The following TTN variants were observed in gnomAD, a reference collection of about 807,000 sequenced individuals.
The protein encoded by TTN is connectin.
In TTN, 1,525 loss-of-function variants were observed where a neutral mutation model predicts 3,223.0. The observed-to-expected ratio is 0.47, with a 90% confidence interval of 0.45 to 0.49. The LOEUF is 0.49. Ranked by LOEUF, TTN falls within the 20% of genes least tolerant of loss-of-function variation. The pLI is 0.00. For missense variants in TTN, 40,786 were observed against 43,424.0 expected (o/e 0.94, Z 5.40); for synonymous variants, 14,094 against 15,161.0 (o/e 0.93, Z 5.17).
At chr2:178,577,941 C>T (rs780578852) in intron 322 of TTN, 43 bp from the exon 323 acceptor site, 1 of 1,591,416 alleles carries the variant, frequency 6.3e-7, no homozygotes. Context: ...TACCAGTTTT[C>T]TTCATGTAAA....
Position 178,552,900 on chromosome 2 carries a change from C to T in TTN, c.90000G>A (p.Lys30000=). The T allele has an allele frequency of 6.2e-7, 1 of 1,613,810 alleles. No individual in the cohort carries two copies. Among genetic ancestry groups the T allele is most frequent in the Non-Finnish European group, 8.5e-7 (1 of 1,179,820 alleles). The part of the protein sequence containing the change: ...TSFKLIDLSE[K]TPFFFRVLAE... Reference sequence around the variant, plus strand: ...CAAGAACTCTGAAGAAGAATGGAGTCTTCTCCGACAAATCTATTAGCTTGA... The same window carrying T: ...CAAGAACTCTGAAGAAGAATGGAGTTTTCTCCGACAAATCTATTAGCTTGA... The change falls in exon 335 of 363, where the codon AAG becomes AAA. Residue 30000 remains lysine, a synonymous_variant. Coordinates refer to ENST00000589042, the MANE Select transcript of TTN (RefSeq NM_001267550.2).
chr2:178,775,061 C>G lies in TTN; in HGVS notation c.6650G>C (p.Gly2217Ala), dbSNP rs146236689. Residue 2217 changes from glycine to alanine, a missense_variant, in exon 29 of 363, where the codon GGA becomes GCA. By Grantham distance (60) the Gly-to-Ala change is moderately conservative. Transcript: ENST00000589042. The part of the protein sequence containing the change: ...WYKDGMEVHE[G>A]DKYRMHSDRK... ...GTCAGAGTGCATCCTGTATTTATCT[C>G]CCTCATGAACCTCCATACCATCTTT... 3 of 1,614,016 alleles carry G rather than the reference C, an allele frequency of 1.9e-6. No individual in the cohort carries two copies. Among genetic ancestry groups the G allele is most frequent in the South Asian group, 2.2e-5 (2 of 91,076 alleles).
chr2:178,678,746 C>A lies in TTN; in HGVS notation c.33826+1G>T. 6.2e-7 allele frequency: 1 copy of A among 1,600,884 alleles called. No individual in the cohort carries two copies. The highest frequency in any genetic ancestry group is 8.5e-7 in the Non-Finnish European group (1 of 1,175,630). ...TATTGCAACATTGCAAGTTCATGTACCTTTGGCAGGTGGAGCTTCCACCTT... is the reference window on the plus strand; with the variant it reads ...TATTGCAACATTGCAAGTTCATGTAACTTTGGCAGGTGGAGCTTCCACCTT... On this transcript the variant is annotated splice_donor_variant, in intron 143 of 362. Coordinates refer to ENST00000589042, the MANE Select transcript of TTN (RefSeq NM_001267550.2). LOFTEE classifies it high-confidence loss of function.
chr2:178,669,316 A>G, intron 159 of TTN, 57 bp downstream of exon 159: 1 of 1,364,280 alleles, frequency 7.3e-7, no homozygotes, highest in Non-Finnish European at 9.9e-7. Context: ...AGACAAACAT[A>G]GTGAATTTAA....
chr2:178,669,790 T>C, intron 157 of TTN, 115 bp from the exon 158 acceptor site: 6 of 983,298 alleles, frequency 6.1e-6, no homozygotes, highest in Non-Finnish European at 9.4e-6. Flanking sequence ...CAATTATAAG[T>C]CAACTATAAG....
chr2:178,685,197 G>GTAT (rs2070534088), intron 129 of TTN, 56 bp downstream of exon 129: 1 of 1,398,058 alleles, frequency 7.2e-7, no homozygotes, highest in African/African-American at 1.5e-5. Flanking sequence ...AAATGTGAAG[G>GTAT]TATTATTATA....
At position 178,795,027 on chromosome 2, in the gene TTN, G is replaced by A. The variant is rs373726426; in HGVS notation, c.1140C>T (p.Tyr380=). The change falls in exon 7 of 363, where the codon TAC becomes TAT. Residue 380 remains tyrosine (Y), a synonymous_variant. Coordinates refer to ENST00000589042, the MANE Select transcript of TTN (RefSeq NM_001267550.2). Reference sequence around the variant, plus strand: ...TGATGGTCACTTGCTCCTGGACACCGTATCTCCCTTCCCATCTCTCTTCTG... The same window carrying A: ...TGATGGTCACTTGCTCCTGGACACCATATCTCCCTTCCCATCTCTCTTCTG... ...IRTEERWEGR[Y]GVQEQVTISG... is the part of the protein sequence containing the mutation. 9.9e-6 allele frequency: 16 copies of A among 1,612,336 alleles called. No individual in the cohort carries two copies. The highest frequency in any genetic ancestry group is 1.7e-5 in the Admixed American group (1 of 60,024).
chr2:178,667,426 T>A lies in TTN; in HGVS notation c.35713+16A>T, dbSNP rs574271380. The A allele has an allele frequency of 1.6e-5, 26 of 1,593,280 alleles. No individual in the cohort carries two copies. In the Middle Eastern group the frequency reaches 5.0e-4, roughly 31 times the overall value. ...GCTAAAGATACTCATCTGGGTTTGA[T>A]GTATTTGAAATATACCTTTAGTTGC... is the stretch of plus-strand genomic sequence containing the variant. On this transcript the variant is annotated intron_variant, in intron 161 of 362. Coordinates refer to ENST00000589042, the MANE Select transcript of TTN (RefSeq NM_001267550.2).
Position 178,653,337 on chromosome 2 carries a change from T to C in TTN, c.38708-16A>G, listed in dbSNP as rs1460826999. The C allele has an allele frequency of 6.2e-7, 1 of 1,611,454 alleles. No homozygotes were observed. Among genetic ancestry groups the C allele is most frequent in the East Asian group, 2.2e-5 (1 of 44,848 alleles). On this transcript the variant is annotated splice_polypyrimidine_tract_variant and intron_variant, in intron 197 of 362. Transcript: ENST00000589042. Reference sequence around the variant, plus strand: ...GCCTCTGGCACTTAAAAGATATTAGTAAAGTTACATGTAGAGCTATGGAGA... The same window carrying C: ...GCCTCTGGCACTTAAAAGATATTAGCAAAGTTACATGTAGAGCTATGGAGA...
At position 178,633,951 on chromosome 2, in the gene TTN, G is replaced by T; in HGVS notation, c.42548C>A (p.Thr14183Lys). 1 of 1,613,326 alleles carries T rather than the reference G, an allele frequency of 6.2e-7. No homozygotes were observed. The highest frequency in any genetic ancestry group is 8.5e-7 in the Non-Finnish European group (1 of 1,179,542). The change falls in exon 231 of 363, where the codon ACA becomes AAA. Residue 14183 changes from threonine to lysine, a missense_variant. Transcript: ENST00000589042. Reference protein sequence around the residue: ...VWFKNDAKLHTSRTVLISSEG... With the variant: ...VWFKNDAKLHKSRTVLISSEG... ...AGAAGAGATGAGTACTGTTCTGCTT[G>T]TATGGAGTTTGGCATCATTTTTGAA... is the stretch of plus-strand genomic sequence containing the variant.
In TTN at chr2:178,649,586, G is replaced by T. The variant is rs543338451; in HGVS notation, c.39941C>A (p.Thr13314Asn). ...TGCTGGTGTTTCTGGCTTCTTAACA[G>T]TTGGGACCTTCTTCACTGGAACAAC... ...KKVVPVKKVPTVKKPETPAAK... is the reference protein window; with the variant it reads ...KKVVPVKKVPNVKKPETPAAK... Residue 13314 changes from threonine (T) to asparagine (N), a missense_variant, in exon 212 of 363, where the codon ACT becomes AAT. Physicochemically the swap from Thr to Asn is moderately conservative, Grantham distance 65. Coordinates refer to ENST00000589042, the MANE Select transcript of TTN (RefSeq NM_001267550.2). The T allele has an allele frequency of 8.4e-5, 130 of 1,550,024 alleles. No individual in the cohort carries two copies. The East Asian group carries it at 2.9e-3, about 35-fold the overall frequency.
rs549515277 is a variant in TTN, at chr2:178,607,014, C to G, written c.53581+7G>C. On this transcript the variant is annotated splice_region_variant and intron_variant, in intron 278 of 362. Coordinates refer to ENST00000589042, the MANE Select transcript of TTN (RefSeq NM_001267550.2). ...CTCTATAAACACAATGAAACCTTCT[C>G]TTTTACCTAGTGGATCAACTGCAAG... 4.4e-6 allele frequency: 7 copies of G among 1,605,274 alleles called. No individual in the cohort carries two copies. The South Asian group carries it at 6.8e-5, about 15-fold the overall frequency.
chr2:178,760,191 T>C (rs1263974961), intron 43 of TTN, among the ~76,000 whole-genome samples: 1 of 152,160 alleles, frequency 6.6e-6, no homozygotes. Context: ...GTTCTCCTCT[T>C]AGAGTAACAA....
intron 294 of TTN, among the ~76,000 whole-genome samples, chr2:178,596,875 T>C (rs1272000876): frequency 6.6e-6 from 1 of 152,012 alleles, no homozygotes; most frequent in African/African-American, 2.4e-5. Context: ...GTGAGAGCCA[T>C]GAAAAAGCCT....
At chr2:178,598,193 G>A in intron 292 of TTN, 135 bp from the exon 293 acceptor site, 1 of 1,054,948 alleles carries the variant, frequency 9.5e-7, no homozygotes. Flanking sequence ...TAGGTTTTAG[G>A]GATCAGATAT....
At chr2:178,770,855 C>G (rs182624925) in intron 34 of TTN, 180 bp from the exon 35 acceptor site, 2 of 882,760 alleles carry the variant, frequency 2.3e-6, no homozygotes, top group East Asian at 4.8e-5. Context: ...TGGGATCCAA[C>G]TGGACATGTA....
Position 178,536,217 on chromosome 2 carries a change from C to G in TTN, c.100530G>C (p.Gln33510His), listed in dbSNP as rs1017116243. The part of the protein sequence containing the change: ...EELRNLNVRY[Q>H]SNATLVCKVT... ...CTTTGCAGACCAAGGTAGCATTGCT[C>G]TGATATCTGACATTTAGATTTCTCA... The change falls in exon 357 of 363, where the codon CAG (glutamine) becomes CAC (histidine). Residue 33510 changes from glutamine to histidine, a missense_variant. Transcript: ENST00000589042. The G allele has an allele frequency of 6.2e-6, 10 of 1,613,248 alleles. No individual in the cohort carries two copies. Among genetic ancestry groups the G allele is most frequent in the Non-Finnish European group, 8.5e-6 (10 of 1,179,522 alleles).
At position 178,562,560 on chromosome 2, in the gene TTN, C is replaced by T. The variant is rs778221988; in HGVS notation, c.83572G>A (p.Val27858Ile). Residue 27858 changes from valine to isoleucine, a missense_variant, in exon 326 of 363, where the codon GTT becomes ATT. Physicochemically the swap from Val to Ile is conservative, Grantham distance 29. Transcript: ENST00000589042. The stretch of plus-strand genomic sequence containing the variant: ...GGGAGGGGTGGTTCAGACACTTTAA[C>T]GGGTTCTGTTGTTTCAGCTGGCAAA... The part of the protein sequence containing the change: ...IGLPAETTEP[V>I]KVSEPPLPPG... The T allele has an allele frequency of 1.6e-4, 252 of 1,610,512 alleles. No homozygotes were observed. The highest frequency in any genetic ancestry group is 2.0e-4 in the Non-Finnish European group (239 of 1,178,578).
chr2:178,701,147 T>G lies in TTN; in HGVS notation c.30655A>C (p.Lys10219Gln). The change falls in exon 111 of 363, where the codon AAG (lysine) becomes CAG (glutamine). Residue 10219 changes from lysine (K) to glutamine (Q), a missense_variant. By Grantham distance (53) the Lys-to-Gln change is moderately conservative (BLOSUM62 1). Transcript: ENST00000589042. ...TCAATACGTTTTGGTGGTGGTTTCT[T>G]TTCTTCGGGTGTTGGTAGCAAAAGG... ...IPLLLPTPEE[K>Q]KPPPKRIEVT... is the part of the protein sequence containing the mutation. 1 of 1,613,768 alleles carries G rather than the reference T, an allele frequency of 6.2e-7. No individual in the cohort carries two copies. The highest frequency in any genetic ancestry group is 8.5e-7 in the Non-Finnish European group (1 of 1,179,736).
Sources: gnomAD v4.1 joint callset for allele counts (sites outside exome capture counted in the v4.1 genomes callset) on GRCh38, gnomAD v4.1.1 for gene constraint, MANE v1.5 for transcripts, NCBI Gene and HGNC (gene_info 2026-07-23, HGNC 2026-07-21) for gene names.